Variants in RUSC1 observed in about 807,000 individuals in gnomAD.
RUSC1 encodes RUN and SH3 domain containing 1.
A neutral mutation model predicts 72.1 loss-of-function variants in RUSC1; 40 were observed. That is an observed-to-expected ratio of 0.55 (90% CI 0.43 to 0.72). RUSC1 has a LOEUF of 0.72. Among genes scored for constraint, RUSC1 ranks in the 30% least tolerant of loss-of-function variants. The pLI, the probability that RUSC1 is intolerant of heterozygous loss-of-function variation, is 0.00. For missense variants in RUSC1, 1,092 were observed against 1,172.3 expected, an observed-to-expected ratio of 0.93 and a Z score of 1.00; for synonymous variants, 512 against 494.2, an observed-to-expected ratio of 1.04 and a Z score of -0.48.
At position 155,325,044 on chromosome 1, in the gene RUSC1, G is replaced by C. The variant is rs1312618529; in HGVS notation, c.1457-58G>C. ...CGAAGGCAGTCTCTCCACGCCCCTC[G>C]GGCAAGCCTGGGTAGGGGCGCGGCC... On this transcript the variant is annotated intron_variant, in intron 3 of 9. Transcript: ENST00000368352. This position sits in a 1 kb window ranked among gnomAD's most constrained non-coding sequence, Gnocchi z 6.5. 8 of 1,613,820 alleles carry C rather than the reference G, an allele frequency of 5.0e-6. No individual in the cohort carries two copies. In the East Asian group the frequency reaches 8.9e-5, roughly 18 times the overall value.
In RUSC1 at chr1:155,330,422, G is replaced by A; in HGVS notation, c.2560G>A (p.Asp854Asn). 1 of 1,612,926 alleles carries A rather than the reference G, an allele frequency of 6.2e-7. No individual in the cohort carries two copies. The highest frequency in any genetic ancestry group is 8.5e-7 in the Non-Finnish European group (1 of 1,180,024). ...CCTCAGGGCAGTGCGGGCTCTCTGT[G>A]ATCACACTGCTGCAAGACCTGACCA... ...QTHRAVRALC[D>N]HTAARPDQLS... Residue 854 changes from aspartate (D) to asparagine (N), a missense_variant, in exon 10 of 10, where the codon GAT (aspartate) becomes AAT (asparagine). Physicochemically the swap from Asp to Asn is conservative, Grantham distance 23. Coordinates refer to ENST00000368352, the MANE Select transcript of RUSC1 (RefSeq NM_001105203.2).
chr1:155,322,838 G>C lies in RUSC1; in HGVS notation c.1065G>C (p.Ser355=), dbSNP rs760992902. ...CGCCCGACACCGAGCTCCCCCCCTCGGGGTCGCCGGGCGGCTCCTCGGCAC... is the reference window on the plus strand; with the variant it reads ...CGCCCGACACCGAGCTCCCCCCCTCCGGGTCGCCGGGCGGCTCCTCGGCAC... The part of the protein sequence containing the change: ...VFSPDTELPP[S]GSPGGSSAPP... The change falls in exon 2 of 10, where the codon TCG becomes TCC. Residue 355 remains serine, a synonymous_variant. Transcript: ENST00000368352. 3.7e-6 allele frequency: 6 copies of C among 1,613,086 alleles called. No individual in the cohort carries two copies. In the South Asian group the frequency reaches 4.4e-5, roughly 12 times the overall value.
rs1449366836 is a variant in RUSC1 at position 155,320,973 on chromosome 1, CG to C, written c.-103del. On this transcript the variant is annotated 5_prime_UTR_variant, in exon 1 of 10. Transcript: ENST00000368352. Reference sequence around the variant, plus strand: ...GCCGCGGACAAGCCCAAGGCCGGAGCGGTTCCAGGAGGACCCTGGTGAGGAG... The same window carrying C: ...GCCGCGGACAAGCCCAAGGCCGGAGCGTTCCAGGAGGACCCTGGTGAGGAG... 1 of 1,541,534 alleles carries C rather than the reference CG, an allele frequency of 6.5e-7. No homozygotes were observed. Among genetic ancestry groups the C allele is most frequent in the Non-Finnish European group, 8.8e-7 (1 of 1,137,386 alleles).
rs911351152 is a variant in RUSC1 at position 155,326,086 on chromosome 1, C to G, written c.1861+176C>G. 3 of 712,192 alleles carry G rather than the reference C, an allele frequency of 4.2e-6. No individual in the cohort carries two copies. The highest frequency in any genetic ancestry group is 7.0e-6 in the Non-Finnish European group (3 of 425,730). The allele number at this position is 712,192 out of a possible 1,614,324, so 44.1% of individuals were successfully genotyped here. A position where few individuals can be genotyped will look rare whatever the true frequency, so the allele number is the denominator to read the frequency against. On this transcript the variant is annotated intron_variant, in intron 7 of 9. Coordinates refer to ENST00000368352, the MANE Select transcript of RUSC1 (RefSeq NM_001105203.2). This position sits in a 1 kb window ranked among gnomAD's most constrained non-coding sequence, Gnocchi z 4.7. ...CCCATCGCCCATAGGATGAAAGACCCAAAGCCTTGGCTGTCTGGCCTCTGC... is the reference window on the plus strand; with the variant it reads ...CCCATCGCCCATAGGATGAAAGACCGAAAGCCTTGGCTGTCTGGCCTCTGC...
intron 8 of RUSC1, 82 bp from the exon 9 acceptor site, chr1:155,328,068 A>G: frequency 6.5e-7 from 1 of 1,528,416 alleles, no homozygotes; most frequent in Non-Finnish European, 8.8e-7. Flanking sequence ...TAGGCCCCTT[A>G]GCCTCTCCCT....
Position 155,326,985 on chromosome 1 carries a change from G to T in RUSC1, c.2267G>T (p.Gly756Val), listed in dbSNP as rs1294505818. Residue 756 changes from glycine to valine, a missense_variant, in exon 8 of 10, where the codon GGG becomes GTG. Gly to Val is a moderately radical substitution (Grantham distance 109). Coordinates refer to ENST00000368352, the MANE Select transcript of RUSC1 (RefSeq NM_001105203.2). The surrounding 1 kb of genome is among the most constrained non-coding windows in gnomAD (Gnocchi z 4.7). ...TTTCCTCTTTCCCGATGGGCACCGGGGCGTCATGGGACTGCAGCTGAAGAA... is the reference window on the plus strand; with the variant it reads ...TTTCCTCTTTCCCGATGGGCACCGGTGCGTCATGGGACTGCAGCTGAAGAA... Reference protein sequence around the residue: ...EGFPLSRWAPGRHGTAAEEGA... With the variant: ...EGFPLSRWAPVRHGTAAEEGA... The T allele has an allele frequency of 1.2e-6, 2 of 1,613,660 alleles. No homozygotes were observed. The highest frequency in any genetic ancestry group is 1.7e-6 in the Non-Finnish European group (2 of 1,180,040).
At chr1:155,327,370 G>A (rs189267780) in intron 8 of RUSC1, among the ~76,000 whole-genome samples, 2 of 152,216 alleles carry the variant, frequency 1.3e-5, no homozygotes, top group African/African-American at 4.8e-5. Context: ...ACATGTGGGG[G>A]ATTGGTTCTA....
chr1:155,321,503 A>G, intron 1 of RUSC1, 185 bp from the exon 2 acceptor site: 1 of 1,473,116 alleles, frequency 6.8e-7, no homozygotes, highest in Non-Finnish European at 9.1e-7. Context: ...GGGGGGTTAC[A>G]TTCGACTCCA....
rs757377750 is a variant in RUSC1, at chr1:155,322,537, G to A, written c.764G>A (p.Gly255Asp). The change falls in exon 2 of 10, where the codon GGT becomes GAT. Residue 255 changes from glycine (G) to aspartate (D), a missense_variant. By Grantham distance (94) the Gly-to-Asp change is moderately conservative. Coordinates refer to ENST00000368352, the MANE Select transcript of RUSC1 (RefSeq NM_001105203.2). ...AAAACCACTGAAAACAATAACACTG[G>A]TTGGAAAAACAACGGGAATGTTAAC... ...EWKTTENNNT[G>D]WKNNGNVNSS... 3.7e-6 allele frequency: 6 copies of A among 1,614,146 alleles called. No individual in the cohort carries two copies. The South Asian group carries it at 6.6e-5, about 18-fold the overall frequency.
At chr1:155,321,348 G>T in intron 1 of RUSC1, 1 of 1,374,882 alleles carries the variant, frequency 7.3e-7, no homozygotes, top group Non-Finnish European at 9.7e-7. Flanking sequence ...TCCTCTGGGA[G>T]TAAGGGGTAG....
intron 9 of RUSC1, among the ~76,000 whole-genome samples, chr1:155,329,929 C>T (rs1300863894): frequency 8.2e-6 from 1 of 121,320 alleles, no homozygotes; most frequent in Non-Finnish European, 1.6e-5. Context: ...CCAGCCTGGA[C>T]AACAGAGACT....
At chr1:155,323,806 A>G in intron 2 of RUSC1, 1 of 523,088 alleles carries the variant, frequency 1.9e-6, no homozygotes, top group Non-Finnish European at 2.3e-6. Context: ...GCCTCCGCCC[A>G]GGCTACGTAA....
At chr1:155,321,299 C>A in intron 1 of RUSC1, 1 of 1,370,986 alleles carries the variant, frequency 7.3e-7, no homozygotes, top group Non-Finnish European at 9.8e-7. Context: ...CATCCTCCAC[C>A]TCCTTTCAGG....
rs768428418 is a variant in RUSC1 at position 155,325,251 on chromosome 1, G to A, written c.1534-65G>A. On this transcript the variant is annotated intron_variant, in intron 4 of 9. Coordinates refer to ENST00000368352, the MANE Select transcript of RUSC1 (RefSeq NM_001105203.2). The surrounding 1 kb of genome is among the most constrained non-coding windows in gnomAD (Gnocchi z 6.5). ...CTCCGCGGGGGGTGCGGGAATGGTTGGCGGGAGGTGGCTGGGAGGTGTCTG... is the reference window on the plus strand; with the variant it reads ...CTCCGCGGGGGGTGCGGGAATGGTTAGCGGGAGGTGGCTGGGAGGTGTCTG... The A allele has an allele frequency of 2.5e-6, 4 of 1,610,712 alleles. No homozygotes were observed. The highest frequency in any genetic ancestry group is 1.7e-6 in the Non-Finnish European group (2 of 1,179,832).
intron 9 of RUSC1, among the ~76,000 whole-genome samples, chr1:155,329,893 G>C (rs1651833137): frequency 6.6e-6 from 1 of 150,486 alleles, no homozygotes; most frequent in Non-Finnish European, 1.5e-5. Flanking sequence ...GGGAGGTGGA[G>C]GCTGTTGAGA....
At chr1:155,324,395 C>A (rs778846678) in intron 2 of RUSC1, 6 of 1,612,890 alleles carry the variant, frequency 3.7e-6, no homozygotes, top group South Asian at 2.2e-5. Context: ...CTCCCTTTCC[C>A]CTGTCTGTCT....
In RUSC1 at chr1:155,325,168, T is replaced by C. The variant is rs1317746510; in HGVS notation, c.1523T>C (p.Leu508Ser). The part of the protein sequence containing the change: ...IISHFGAARN[L>S]VQKAQLGDSR... ...TCGCATTTCGGGGCCGCCCGGAACT[T>C]GGTGCAGAAGGTGAAGGTGGCTGGG... Residue 508 changes from leucine (L) to serine (S), a missense_variant, in exon 4 of 10, where the codon TTG becomes TCG. Physicochemically the swap from Leu to Ser is moderately radical, Grantham distance 145. Coordinates refer to ENST00000368352, the MANE Select transcript of RUSC1 (RefSeq NM_001105203.2). The surrounding 1 kb of genome is among the most constrained non-coding windows in gnomAD (Gnocchi z 6.5). 7 of 1,614,144 alleles carry C rather than the reference T, an allele frequency of 4.3e-6. No homozygotes were observed. Among genetic ancestry groups the C allele is most frequent in the South Asian group, 2.2e-5 (2 of 91,086 alleles).
intron 2 of RUSC1, chr1:155,324,535 C>A (rs1286846182): frequency 6.3e-7 from 1 of 1,597,080 alleles, no homozygotes. Flanking sequence ...CCTAGCAGGG[C>A]AGGCGGGAGG....
Position 155,325,016 on chromosome 1 carries a change from G to C in RUSC1, c.1456+73G>C. ...TCGCCCCCGGCCCTGCTCTCAGGCT[G>C]TCCGAAGGCAGTCTCTCCACGCCCC... On this transcript the variant is annotated intron_variant, in intron 3 of 9. Transcript: ENST00000368352. The surrounding 1 kb of genome is among the most constrained non-coding windows in gnomAD (Gnocchi z 6.5). 1 of 1,613,756 alleles carries C rather than the reference G, an allele frequency of 6.2e-7. No homozygotes were observed. Among genetic ancestry groups the C allele is most frequent in the Non-Finnish European group, 8.5e-7 (1 of 1,179,700 alleles).
Sources: allele counts gnomAD v4.1 joint callset (sites outside exome capture counted in the v4.1 genomes callset), GRCh38; gene constraint gnomAD v4.1.1; non-coding constraint Gnocchi (gnomAD v3.1); transcripts MANE v1.5; gene names NCBI Gene and HGNC (gene_info 2026-07-23, HGNC 2026-07-21).